Variants in EHMT1 observed in about 807,000 individuals in gnomAD.
EHMT1 encodes histone-lysine N-methyltransferase EHMT1.
In EHMT1, 15 loss-of-function variants were observed where a neutral mutation model predicts 147.2. The observed-to-expected ratio is 0.10, with a 90% CI of 0.07 to 0.16. EHMT1 has a LOEUF of 0.16. Among genes scored for constraint, EHMT1 ranks in the 10% least tolerant of loss-of-function variants. The probability of loss-of-function intolerance (pLI) is 1.00; values close to 1 mark genes in which losing one functional copy is unlikely to be tolerated. For missense variants in EHMT1, 1,587 were observed against 1,772.4 expected (o/e 0.90, Z 1.88); for synonymous variants, 795 against 709.6 (o/e 1.12, Z -1.91).
At chr9:137,834,689 G>T in intron 26 of EHMT1, 84 bp from the exon 27 acceptor site, 1 of 1,607,518 alleles carries the variant, frequency 6.2e-7, no homozygotes, top group Non-Finnish European at 8.5e-7. Context: ...GGGTGAGGAA[G>T]CTTTGGCCTT....
chr9:137,633,819 T>C (rs979868358), intron 1 of EHMT1, among the ~76,000 whole-genome samples: 2 of 149,556 alleles, frequency 1.3e-5, no homozygotes, highest in East Asian at 1.9e-4. Context: ...CTTTTCACTT[T>C]CTAATTTTTT....
intron 1 of EHMT1, among the ~76,000 whole-genome samples, chr9:137,640,479 GT>G (rs1216701033): frequency 1.3e-5 from 2 of 152,140 alleles, no homozygotes; most frequent in African/African-American, 2.4e-5. Flanking sequence ...GTCTTCCTAT[GT>G]TGCTCAGGCT....
intron 9 of EHMT1, among the ~76,000 whole-genome samples, chr9:137,760,805 C>A (rs551297397): frequency 1.3e-5 from 2 of 152,296 alleles, no homozygotes; most frequent in East Asian, 1.9e-4. Flanking sequence ...GTCAGGAGAT[C>A]GAGACCATCC....
chr9:137,748,327 T>C (rs1352080519), intron 6 of EHMT1, among the ~76,000 whole-genome samples: 1 of 152,252 alleles, frequency 6.6e-6, no homozygotes, highest in Non-Finnish European at 1.5e-5. Context: ...TGGTGCTATT[T>C]CAGAGTGTGC....
At chr9:137,620,766 A>C (rs1416127513) in intron 1 of EHMT1, among the ~76,000 whole-genome samples, 2 of 152,208 alleles carry the variant, frequency 1.3e-5, no homozygotes, top group African/African-American at 4.8e-5. Context: ...GCACTAGTAC[A>C]GTGTTGGGCA....
At chr9:137,805,802 A>G (rs1953898816) in intron 18 of EHMT1, among the ~76,000 whole-genome samples, 1 of 151,854 alleles carries the variant, frequency 6.6e-6, no homozygotes, top group Non-Finnish European at 1.5e-5. Context: ...AGCTGGGATT[A>G]CAGGCACGAG....
intron 9 of EHMT1, among the ~76,000 whole-genome samples, chr9:137,759,465 C>T (rs1949638388): frequency 6.6e-6 from 1 of 152,204 alleles, no homozygotes. Flanking sequence ...AAGGCCGTTC[C>T]ACCTGTCAGT....
At chr9:137,620,784 G>C (rs975723180) in intron 1 of EHMT1, among the ~76,000 whole-genome samples, 2 of 152,202 alleles carry the variant, frequency 1.3e-5, no homozygotes, top group Non-Finnish European at 1.5e-5. Context: ...GCACGTAGTA[G>C]GTGTTTAATA....
intron 1 of EHMT1, among the ~76,000 whole-genome samples, chr9:137,661,250 T>C (rs1939045988): frequency 1.3e-5 from 2 of 152,214 alleles, no homozygotes; most frequent in South Asian, 4.1e-4. Context: ...TATCCATCTC[T>C]CTAGTTTCTG....
intron 3 of EHMT1, among the ~76,000 whole-genome samples, chr9:137,723,361 C>T (rs1946270370): frequency 7.3e-6 from 1 of 137,800 alleles, no homozygotes; most frequent in Non-Finnish European, 1.6e-5. Flanking sequence ...GGGCCTGAGC[C>T]CGGGGTGTGT....
intron 1 of EHMT1, among the ~76,000 whole-genome samples, chr9:137,656,193 A>G (rs1938427263): frequency 6.6e-6 from 1 of 152,150 alleles, no homozygotes; most frequent in Non-Finnish European, 1.5e-5. Flanking sequence ...CAGCCTGGCC[A>G]ACATGGTGAG....
intron 1 of EHMT1, among the ~76,000 whole-genome samples, chr9:137,702,625 C>T (rs1014613173): frequency 6.6e-6 from 1 of 152,134 alleles, no homozygotes; most frequent in Non-Finnish European, 1.5e-5. Context: ...TGCTGCTTTT[C>T]TAGGCGTGTG....
At chr9:137,750,583 A>G (rs1001269473) in intron 6 of EHMT1, among the ~76,000 whole-genome samples, 1 of 152,224 alleles carries the variant, frequency 6.6e-6, no homozygotes, top group African/African-American at 2.4e-5. Context: ...GAGTGACAAG[A>G]TCCATTGTTT....
chr9:137,721,012 GGC>G (rs1945900253), intron 3 of EHMT1, among the ~76,000 whole-genome samples: 1 of 151,744 alleles, frequency 6.6e-6, no homozygotes, highest in Admixed American at 6.6e-5. Flanking sequence ...CCTCCTCGCC[GGC>G]GTCCTCGCCA....
chr9:137,688,999 T>C (rs1256859655), intron 1 of EHMT1, among the ~76,000 whole-genome samples: 5 of 152,168 alleles, frequency 3.3e-5, no homozygotes, highest in Admixed American at 6.5e-5. Flanking sequence ...TGACTGCTTG[T>C]TCTCCATCCC....
intron 1 of EHMT1, among the ~76,000 whole-genome samples, chr9:137,668,515 A>G (rs1037972087): frequency 6.6e-6 from 1 of 152,198 alleles, no homozygotes; most frequent in African/African-American, 2.4e-5. Context: ...CAGAACTACT[A>G]GTACTGAAAC....
At chr9:137,780,948 T>C (rs868614769) in intron 14 of EHMT1, among the ~76,000 whole-genome samples, 395 of 38,280 alleles carry the variant, frequency 0.01, 9 homozygotes, top group East Asian at 0.026. Flanking sequence ...ATCACTGAGA[T>C]GTGTGGTGAT....
At position 137,777,942 on chromosome 9, in the gene EHMT1, C is replaced by T. The variant is rs548142464; in HGVS notation, c.2079C>T (p.Pro693=). The T allele has an allele frequency of 2.2e-5, 36 of 1,613,726 alleles. No individual in the cohort carries two copies. The highest frequency in any genetic ancestry group is 3.3e-4 in the Middle Eastern group (2 of 6,082). Residue 693 remains proline (P), a synonymous_variant, in exon 13 of 27, where the codon CCC becomes CCT. Transcript: ENST00000460843. ...TGCAGGGTGCAGCCTCCCACGTGCCCGAGGGCTTTGATCCAACGGGACCTG... is the reference window on the plus strand; with the variant it reads ...TGCAGGGTGCAGCCTCCCACGTGCCTGAGGGCTTTGATCCAACGGGACCTG... ...DKLQGAASHV[P]EGFDPTGPAG...
At chr9:137,623,695 A>T (rs1207426953) in intron 1 of EHMT1, among the ~76,000 whole-genome samples, 1 of 152,180 alleles carries the variant, frequency 6.6e-6, no homozygotes, top group Non-Finnish European at 1.5e-5. Context: ...TGCTGGGACT[A>T]CAGGAGTGAG....
Sources: allele counts gnomAD v4.1 joint callset (sites outside exome capture counted in the v4.1 genomes callset), GRCh38; gene constraint gnomAD v4.1.1; transcripts MANE v1.5; gene names NCBI Gene and HGNC (gene_info 2026-07-23, HGNC 2026-07-21).